The following VAT1L variants were observed in gnomAD, a reference collection of about 807,000 sequenced individuals.
The protein encoded by VAT1L is putative NADPH-dependent quinone oxidoreductase VAT1L.
A neutral mutation model predicts 44.1 loss-of-function variants in VAT1L; 34 were observed. That is an observed-to-expected ratio of 0.77 (90% CI 0.59 to 1.03). The LOEUF (loss-of-function observed/expected upper bound fraction) is 1.03. Among genes scored for constraint, VAT1L ranks in the 50% least tolerant of loss-of-function variants. The probability of loss-of-function intolerance (pLI) is 0.00; values close to 1 mark genes in which losing one functional copy is unlikely to be tolerated. For synonymous variants in VAT1L, 253 were observed against 202.2 expected (o/e 1.25, Z -2.13); for missense variants, 615 against 538.8 (o/e 1.14, Z -1.40).
At chr16:77,870,280 A>C (rs2017017940) in intron 4 of VAT1L, among the ~76,000 whole-genome samples, 1 of 152,202 alleles carries the variant, frequency 6.6e-6, no homozygotes, top group South Asian at 2.1e-4. Flanking sequence ...AAGCCTACTA[A>C]ATGCCAGGCA....
chr16:77,788,691 G>T lies in VAT1L; in HGVS notation c.9G>T (p.Lys3Asn). The change falls in exon 1 of 9, where the codon AAG becomes AAT. Residue 3 changes from lysine to asparagine, a missense_variant. Transcript: ENST00000302536. MAKEGVEKAEETE... is the reference protein window; with the variant it reads MANEGVEKAEETE... ...CCGCGCCCTCGAGCGCCATGGCCAA[G>T]GAAGGCGTGGAGAAGGCGGAGGAGA... 2 of 1,550,488 alleles carry T rather than the reference G, an allele frequency of 1.3e-6. No homozygotes were observed. Among genetic ancestry groups the T allele is most frequent in the Non-Finnish European group, 1.7e-6 (2 of 1,146,890 alleles).
chr16:77,844,662 G>A (rs1597063350), intron 3 of VAT1L, among the ~76,000 whole-genome samples: 2 of 152,234 alleles, frequency 1.3e-5, no homozygotes, highest in Admixed American at 6.5e-5. Context: ...AGCCGTCTTA[G>A]CGTCTGAAAG....
rs180826503 is a variant in VAT1L, at chr16:77,979,845, C to A, written c.*2150C>A. 1 of 152,690 alleles carries A rather than the reference C, an allele frequency of 6.5e-6. No individual in the cohort carries two copies. The highest frequency in any genetic ancestry group is 2.4e-5 in the African/African-American group (1 of 41,556). 9.5% of individuals were successfully genotyped at this position (152,690 alleles called of 1,614,324 possible). On this transcript the variant is annotated 3_prime_UTR_variant, in exon 9 of 9. Transcript: ENST00000302536. ...ATTTCTGCCATGAAGAACCGGGGGA[C>A]GCAAGTTAATTGTTTAACGTACTCT...
At chr16:77,797,255 G>T (rs2015954372) in intron 1 of VAT1L, among the ~76,000 whole-genome samples, 1 of 151,952 alleles carries the variant, frequency 6.6e-6, no homozygotes, top group African/African-American at 2.4e-5. Flanking sequence ...GGGATTACAG[G>T]CATGCACCAC....
intron 7 of VAT1L, among the ~76,000 whole-genome samples, chr16:77,962,342 G>C (rs1001885261): frequency 2.0e-5 from 3 of 152,144 alleles, no homozygotes; most frequent in African/African-American, 4.8e-5. Context: ...AAGTGTATGT[G>C]TTGGGGGAGA....
In VAT1L at chr16:77,884,835, T is replaced by A; in HGVS notation, c.1077+33T>A. ...TGGTGCTTTTCTTCTGCAAATAAAC[T>A]CCTCTTTTTAACTCAGGAAGGTTTG... On this transcript the variant is annotated intron_variant, in intron 7 of 8. Coordinates refer to ENST00000302536, the MANE Select transcript of VAT1L (RefSeq NM_020927.3). The surrounding 1 kb of genome is among the most constrained non-coding windows in gnomAD (Gnocchi z 4.5). 2.1e-6 allele frequency: 3 copies of A among 1,435,896 alleles called. No individual in the cohort carries two copies. Among genetic ancestry groups the A allele is most frequent in the Non-Finnish European group, 2.7e-6 (3 of 1,092,814 alleles). The allele number at this position is 1,435,896 out of a possible 1,614,324, so 88.9% of individuals were successfully genotyped here. A position where few individuals can be genotyped will look rare whatever the true frequency, so the allele number is the denominator to read the frequency against.
At chr16:77,799,456 G>C (rs973581511) in intron 1 of VAT1L, among the ~76,000 whole-genome samples, 16 of 151,168 alleles carry the variant, frequency 1.1e-4, no homozygotes, top group African/African-American at 2.7e-4. Context: ...TCTTACCTTG[G>C]TCTAAAAGAA....
chr16:77,869,060 C>CA lies in VAT1L; in HGVS notation c.722+6180dup, dbSNP rs111288878. Among the ~76,000 whole-genome samples, 562 of 145,886 alleles carry CA rather than the reference C, an allele frequency of 3.9e-3. 2 individuals carry two copies. Among genetic ancestry groups the CA allele is most frequent in the African/African-American group, 7.1e-3 (284 of 39,750 alleles). ...AGCACTGTTCAGAAAGGTGAAACTA[C>CA]AAAAAAAAAATGATCTGGCTGCCAT... On this transcript the variant is annotated intron_variant, in intron 4 of 8. Transcript: ENST00000302536.
chr16:77,979,902 T>C lies in VAT1L; in HGVS notation c.*2207T>C, dbSNP rs968659383. On this transcript the variant is annotated 3_prime_UTR_variant, in exon 9 of 9. Transcript: ENST00000302536. ...AAGCACCTTCTTTCCTGTCTCTTGATTGTTTTTTCTGAAGGAAGTGTAAAG... is the reference window on the plus strand; with the variant it reads ...AAGCACCTTCTTTCCTGTCTCTTGACTGTTTTTTCTGAAGGAAGTGTAAAG... 3 of 152,642 alleles carry C rather than the reference T, an allele frequency of 2.0e-5. No individual in the cohort carries two copies. The highest frequency in any genetic ancestry group is 4.4e-5 in the Non-Finnish European group (3 of 68,032). The allele number at this position is 152,642 out of a possible 1,614,324, so 9.5% of individuals were successfully genotyped here.
rs755545720 is a variant in VAT1L, at chr16:77,971,934, G to T, written c.1161+1G>T. On this transcript the variant is annotated splice_donor_variant, in intron 8 of 8. Coordinates refer to ENST00000302536, the MANE Select transcript of VAT1L (RefSeq NM_020927.3). LOFTEE classifies it high-confidence loss of function. ...TGTAGAAAAGACCCCAACTCCACTG[G>T]TGAGTGAAAAGCAGAGGAGTCTGTT... 6 of 1,613,270 alleles carry T rather than the reference G, an allele frequency of 3.7e-6. No homozygotes were observed. The highest frequency in any genetic ancestry group is 5.1e-6 in the Non-Finnish European group (6 of 1,179,570).
At chr16:77,825,215 C>T (rs1597053087) in intron 2 of VAT1L, 31 bp from the exon 3 acceptor site, 1 of 1,610,322 alleles carries the variant, frequency 6.2e-7, no homozygotes, top group Non-Finnish European at 8.5e-7. Flanking sequence ...ATGAGGTAGC[C>T]TCCACTAACT....
At chr16:77,853,644 C>T (rs1402832586) in intron 3 of VAT1L, among the ~76,000 whole-genome samples, 1 of 151,922 alleles carries the variant, frequency 6.6e-6, no homozygotes, top group Non-Finnish European at 1.5e-5. Flanking sequence ...GCTGCAGGGC[C>T]CCATCCTGGA....
In VAT1L at chr16:77,794,921, G is replaced by A. The variant is rs115795296; in HGVS notation, c.233+6006G>A. On this transcript the variant is annotated intron_variant, in intron 1 of 8. Coordinates refer to ENST00000302536, the MANE Select transcript of VAT1L (RefSeq NM_020927.3). ...TGAGTCCTTGCTGATGAGGACTGGG[G>A]ATGGTGACAATATCCGCTCTTTATC... 4.9e-3 allele frequency among the ~76,000 whole-genome samples: 741 copies of A among 152,300 alleles called. 11 individuals carry two copies. Among genetic ancestry groups the A allele is most frequent in the African/African-American group, 0.017 (709 of 41,566 alleles).
intron 7 of VAT1L, among the ~76,000 whole-genome samples, chr16:77,960,417 C>T (rs2018148790): frequency 6.6e-6 from 1 of 152,062 alleles, no homozygotes; most frequent in Non-Finnish European, 1.5e-5. Flanking sequence ...CAGAAACTAG[C>T]CACAGTAGGA....
intron 3 of VAT1L, among the ~76,000 whole-genome samples, chr16:77,833,267 G>A (rs78098394): frequency 0.02 from 3,073 of 152,228 alleles, 107 homozygotes; most frequent in African/African-American, 0.071. Flanking sequence ...ATAGTCACAT[G>A]GATAACTTTG....
chr16:77,862,676 T>A, intron 3 of VAT1L, 72 bp from the exon 4 acceptor site: 5 of 1,143,706 alleles, frequency 4.4e-6, no homozygotes, highest in Non-Finnish European at 6.2e-6. Flanking sequence ...GAAATCCTGC[T>A]CTACACCCAG....
rs1326529163 is a variant in VAT1L at position 77,819,674 on chromosome 16, C to T, written c.363+2624C>T. 2.6e-5 allele frequency among the ~76,000 whole-genome samples: 4 copies of T among 152,216 alleles called. No individual in the cohort carries two copies. In the South Asian group the frequency reaches 6.2e-4, roughly 24 times the overall value. ...CTGGGATTACAGGCATGAGCCACCG[C>T]GCCCAGCCTGAAGATGATATTCTTC... On this transcript the variant is annotated intron_variant, in intron 2 of 8. Coordinates refer to ENST00000302536, the MANE Select transcript of VAT1L (RefSeq NM_020927.3).
intron 7 of VAT1L, among the ~76,000 whole-genome samples, chr16:77,891,054 A>G (rs546182962): frequency 6.6e-6 from 1 of 151,778 alleles, no homozygotes; most frequent in Non-Finnish European, 1.5e-5. Flanking sequence ...ATTAGGTCAA[A>G]TTAAAAATTC....
chr16:77,901,104 G>T (rs2142475994), intron 7 of VAT1L, among the ~76,000 whole-genome samples: 1 of 146,166 alleles, frequency 6.8e-6, no homozygotes, highest in Non-Finnish European at 1.5e-5. Context: ...TGGGGCTGAT[G>T]TTGAGATATA....
Sources: gnomAD v4.1 joint callset for allele counts (sites outside exome capture counted in the v4.1 genomes callset) on GRCh38, gnomAD v4.1.1 for gene constraint, Gnocchi (gnomAD v3.1) non-coding constraint, MANE v1.5 for transcripts, NCBI Gene and HGNC (gene_info 2026-07-23, HGNC 2026-07-21) for gene names.